The following ZNF704 variants were observed in gnomAD, a reference collection of about 807,000 sequenced individuals.
The protein encoded by ZNF704 is zinc finger protein 704.
A neutral mutation model predicts 44.7 loss-of-function variants in ZNF704; 10 were observed. The ratio of observed to expected loss-of-function variants is 0.22; its 90% CI spans 0.14 to 0.38. The LOEUF (loss-of-function observed/expected upper bound fraction) is 0.38. ZNF704 is among the 10% of genes least tolerant of loss of function. ZNF704 has a pLI of 1.00. For missense variants in ZNF704, 390 were observed against 545.5 expected, an observed-to-expected ratio of 0.71 and a Z score of 2.84; for synonymous variants, 211 against 207.6, an observed-to-expected ratio of 1.02 and a Z score of -0.14.
chr8:80,806,732 C>T (rs182103293), intron 2 of ZNF704, among the ~76,000 whole-genome samples: 42 of 152,328 alleles, frequency 2.8e-4, no homozygotes, highest in Non-Finnish European at 5.1e-4. Context: ...TGCCATGCCA[C>T]AGACACAGCC....
intron 2 of ZNF704, among the ~76,000 whole-genome samples, chr8:80,818,442 A>C (rs1322846761): frequency 2.0e-5 from 3 of 152,176 alleles, no homozygotes; most frequent in East Asian, 3.8e-4. Context: ...GCAGATGCTC[A>C]AGTCTCTTAT....
intron 2 of ZNF704, among the ~76,000 whole-genome samples, chr8:80,772,584 G>A (rs1037757228): frequency 1.3e-5 from 2 of 151,988 alleles, no homozygotes; most frequent in African/African-American, 4.8e-5. Context: ...GCACTAGGGG[G>A]ATGGTGCTAA....
Position 80,641,317 on chromosome 8 carries a change from C to T in ZNF704, c.*49G>A. ...TCTTTCCAACACCTGCAGTGGCAGG[C>T]CAGGGCAGGAGCGGCTCAGGGCCCT... On this transcript the variant is annotated 3_prime_UTR_variant, in exon 9 of 9. Coordinates refer to ENST00000327835, the MANE Select transcript of ZNF704 (RefSeq NM_001033723.3). 1 of 1,275,228 alleles carries T rather than the reference C, an allele frequency of 7.8e-7. No homozygotes were observed. Among genetic ancestry groups the T allele is most frequent in the Non-Finnish European group, 1.1e-6 (1 of 934,892 alleles). 79.0% of individuals were successfully genotyped at this position (1,275,228 alleles called of 1,614,324 possible).
chr8:80,749,214 T>G (rs1806899975), intron 2 of ZNF704, among the ~76,000 whole-genome samples: 1 of 152,186 alleles, frequency 6.6e-6, no homozygotes, highest in African/African-American at 2.4e-5. Context: ...CTCACTATGT[T>G]GACCAGGTTG....
intron 7 of ZNF704, among the ~76,000 whole-genome samples, chr8:80,643,602 G>A (rs1317157547): frequency 6.6e-6 from 1 of 151,428 alleles, no homozygotes; most frequent in East Asian, 1.9e-4. Flanking sequence ...AATGGAGGAG[G>A]GCTGCTCATG....
chr8:80,761,416 T>G (rs1175593408), intron 2 of ZNF704, among the ~76,000 whole-genome samples: 1 of 152,158 alleles, frequency 6.6e-6, no homozygotes, highest in Non-Finnish European at 1.5e-5. Context: ...AACTATAAAT[T>G]TAACCTTTTT....
intron 2 of ZNF704, among the ~76,000 whole-genome samples, chr8:80,712,719 T>TA (rs534139561): frequency 8.4e-5 from 12 of 142,520 alleles, no homozygotes; most frequent in African/African-American, 2.1e-4. Context: ...AGGTAATGAA[T>TA]AAAAAAAAAA....
At chr8:80,778,285 G>A in intron 2 of ZNF704, among the ~76,000 whole-genome samples, 1 of 152,064 alleles carries the variant, frequency 6.6e-6, no homozygotes, top group East Asian at 1.9e-4. Context: ...TTAGAGAAAT[G>A]CAAATAAAAC....
intron 2 of ZNF704, among the ~76,000 whole-genome samples, chr8:80,712,316 C>G (rs1332458247): frequency 6.6e-6 from 1 of 152,224 alleles, no homozygotes; most frequent in Non-Finnish European, 1.5e-5. Context: ...GCCTCCAAAA[C>G]TGTAAGCCAA....
chr8:80,777,117 T>G (rs1807427513), intron 2 of ZNF704, among the ~76,000 whole-genome samples: 1 of 152,202 alleles, frequency 6.6e-6, no homozygotes, highest in South Asian at 2.1e-4. Flanking sequence ...AAAGTTATTT[T>G]TTTTAAATTG....
chr8:80,770,735 C>A (rs1807305802), intron 2 of ZNF704, among the ~76,000 whole-genome samples: 1 of 152,104 alleles, frequency 6.6e-6, no homozygotes, highest in Non-Finnish European at 1.5e-5. Context: ...GTTTTAGGGA[C>A]TGTGGCTTTA....
intron 4 of ZNF704, among the ~76,000 whole-genome samples, chr8:80,686,038 C>T (rs1003141021): frequency 2.0e-5 from 3 of 152,168 alleles, no homozygotes; most frequent in African/African-American, 7.2e-5. Context: ...TGCCAAATGT[C>T]TTCAGATTTA....
intron 1 of ZNF704, among the ~76,000 whole-genome samples, chr8:80,853,515 T>C (rs1442504319): frequency 6.6e-6 from 1 of 151,906 alleles, no homozygotes; most frequent in Admixed American, 6.6e-5. Context: ...TTAGCAGTTC[T>C]GTGGAAAACA....
chr8:80,813,702 C>A (rs990357247), intron 2 of ZNF704, among the ~76,000 whole-genome samples: 6 of 152,034 alleles, frequency 3.9e-5, no homozygotes, highest in African/African-American at 1.4e-4. Context: ...CACGGTGAAA[C>A]CCCGTCTCTA....
intron 1 of ZNF704, among the ~76,000 whole-genome samples, chr8:80,841,138 G>C (rs1448460875): frequency 6.6e-6 from 1 of 152,122 alleles, no homozygotes; most frequent in Non-Finnish European, 1.5e-5. Flanking sequence ...CAGATGCCTG[G>C]GTAGCACCAG....
At chr8:80,664,674 T>G in intron 6 of ZNF704, 141 bp downstream of exon 6, 1 of 1,029,050 alleles carries the variant, frequency 9.7e-7, no homozygotes, top group Non-Finnish European at 1.4e-6. Context: ...ATCTTAGGCT[T>G]TAAAGGGAGA....
At position 80,629,720 on chromosome 8, in the gene ZNF704, T is replaced by G. The variant is rs547036612; in HGVS notation, c.*11646A>C. The stretch of plus-strand genomic sequence containing the variant: ...TGCTTTGCTGGACAATATTTTCATA[T>G]TTTGTTCTTTGAAACTATAACTGAT... On this transcript the variant is annotated 3_prime_UTR_variant, in exon 9 of 9. Coordinates refer to ENST00000327835, the MANE Select transcript of ZNF704 (RefSeq NM_001033723.3). 7 of 152,346 alleles carry G rather than the reference T, an allele frequency of 4.6e-5. 1 individual carries two copies. Among genetic ancestry groups the G allele is most frequent in the African/African-American group, 1.7e-4 (7 of 41,580 alleles). The allele number at this position is 152,346 out of a possible 1,614,324, so 9.4% of individuals were successfully genotyped here.
intron 2 of ZNF704, among the ~76,000 whole-genome samples, chr8:80,746,235 T>C (rs553397935): frequency 1.3e-5 from 2 of 152,314 alleles, no homozygotes; most frequent in Non-Finnish European, 2.9e-5. Flanking sequence ...GCTTATTAAA[T>C]AGGTTCAATC....
intron 2 of ZNF704, among the ~76,000 whole-genome samples, chr8:80,699,775 T>C (rs1392150803): frequency 1.3e-5 from 2 of 152,192 alleles, no homozygotes; most frequent in African/African-American, 4.8e-5. Context: ...GACTCCCTCC[T>C]GTCCCTCTTT....
Sources: allele counts gnomAD v4.1 joint callset (sites outside exome capture counted in the v4.1 genomes callset), GRCh38; gene constraint gnomAD v4.1.1; transcripts MANE v1.5; gene names NCBI Gene and HGNC (gene_info 2026-07-23, HGNC 2026-07-21).